Variants in ABCA13 observed in about 807,000 individuals in gnomAD.
ABCA13 encodes ATP binding cassette subfamily A member 13.
ABCA13 carries 476 observed loss-of-function variants against 478.7 expected under a neutral mutation model. The ratio of observed to expected loss-of-function variants is 0.99; its 90% CI spans 0.92 to 1.07. ABCA13 has a LOEUF of 1.07. ABCA13 is among the 50% of genes least tolerant of loss of function. ABCA13 has a pLI of 0.00. For missense variants in ABCA13, 6,060 were observed against 5,910.6 expected (o/e 1.03, Z -0.83); for synonymous variants, 2,252 against 2,158.9 (o/e 1.04, Z -1.20).
chr7:48,630,666 A>T (rs1044003767), intron 59 of ABCA13, among the ~76,000 whole-genome samples: 2 of 152,216 alleles, frequency 1.3e-5, no homozygotes, highest in South Asian at 2.1e-4. Context: ...CTTTGGGTAT[A>T]TACCCAATAA....
chr7:48,326,349 T>C (rs1348454694), intron 27 of ABCA13, among the ~76,000 whole-genome samples: 1 of 152,232 alleles, frequency 6.6e-6, no homozygotes, highest in Non-Finnish European at 1.5e-5. Context: ...AATTTCAAGT[T>C]GTGAGAAGGT....
chr7:48,642,881 C>A (rs187076409), intron 59 of ABCA13, among the ~76,000 whole-genome samples: 1 of 152,150 alleles, frequency 6.6e-6, no homozygotes, highest in African/African-American at 2.4e-5. Context: ...CAATCCCTTT[C>A]ATCTTTTCCC....
intron 59 of ABCA13, among the ~76,000 whole-genome samples, chr7:48,622,794 A>G (rs914919076): frequency 3.9e-5 from 6 of 152,218 alleles, no homozygotes; most frequent in Non-Finnish European, 5.9e-5. Flanking sequence ...TTTATTCCTC[A>G]TGACAATCCT....
At chr7:48,414,416 G>A (rs1819680842) in intron 41 of ABCA13, among the ~76,000 whole-genome samples, 1 of 152,038 alleles carries the variant, frequency 6.6e-6, no homozygotes, top group Non-Finnish European at 1.5e-5. Context: ...GCCCAGGACA[G>A]TTACTGGCAC....
intron 45 of ABCA13, among the ~76,000 whole-genome samples, chr7:48,479,821 T>C (rs1257378548): frequency 6.6e-6 from 1 of 152,254 alleles, no homozygotes; most frequent in Non-Finnish European, 1.5e-5. Context: ...GTATCTTAAA[T>C]GCATATCGCC....
intron 3 of ABCA13, among the ~76,000 whole-genome samples, chr7:48,210,831 G>A (rs1281386166): frequency 2.6e-5 from 4 of 152,088 alleles, no homozygotes; most frequent in Admixed American, 6.5e-5. Flanking sequence ...TGGATGGAAT[G>A]TTCTGTAAAT....
rs570261304 is a variant in ABCA13, at chr7:48,274,053, T to C, written c.4387T>C (p.Leu1463=). 8.1e-6 allele frequency: 13 copies of C among 1,606,040 alleles called. No individual in the cohort carries two copies. Among genetic ancestry groups the C allele is most frequent in the African/African-American group, 2.7e-5 (2 of 74,694 alleles). Residue 1463 remains leucine, a synonymous_variant, in exon 17 of 62, where the codon TTG becomes CTG. Transcript: ENST00000435803. ...GSHINCVNIY[L]KDVTDFLNIV... is the part of the protein sequence containing the mutation. Reference sequence around the variant, plus strand: ...ACATATAAATTGTGTCAATATTTACTTGAAAGATGTAACTGACTTTCTAAA... The same window carrying C: ...ACATATAAATTGTGTCAATATTTACCTGAAAGATGTAACTGACTTTCTAAA...
In ABCA13 at chr7:48,423,744, C is replaced by T. The variant is rs748731196; in HGVS notation, c.12460-4022C>T. Among the ~76,000 whole-genome samples the T allele has an allele frequency of 5.9e-5, 9 of 152,264 alleles. No individual in the cohort carries two copies. In the South Asian group the frequency reaches 1.0e-3, roughly 18 times the overall value. ...TTGCTTTTAAAGCATATTTTTGTTA[C>T]ATTTTAAATTACTTTCATGCTAGTT... On this transcript the variant is annotated intron_variant, in intron 41 of 61. Coordinates refer to ENST00000435803, the MANE Select transcript of ABCA13 (RefSeq NM_152701.5).
At chr7:48,489,547 A>C (rs1321115680) in intron 48 of ABCA13, among the ~76,000 whole-genome samples, 1 of 152,138 alleles carries the variant, frequency 6.6e-6, no homozygotes, top group Non-Finnish European at 1.5e-5. Flanking sequence ...TATTTTCTTG[A>C]ACCTGTAACC....
intron 28 of ABCA13, among the ~76,000 whole-genome samples, chr7:48,336,894 A>G (rs1806349530): frequency 6.6e-6 from 1 of 152,236 alleles, no homozygotes; most frequent in Admixed American, 6.5e-5. Context: ...TCTCTGCTGC[A>G]ACTATATATA....
Position 48,276,637 on chromosome 7 carries a change from T to C in ABCA13, c.6899+72T>C, listed in dbSNP as rs971450440. Reference sequence around the variant, plus strand: ...TCAAACTACTTTATTTTCTGGAGTATAGACATGTCAAAAACAGTATTTGTA... The same window carrying C: ...TCAAACTACTTTATTTTCTGGAGTACAGACATGTCAAAAACAGTATTTGTA... On this transcript the variant is annotated intron_variant, in intron 17 of 61. Transcript: ENST00000435803. 5 of 1,264,460 alleles carry C rather than the reference T, an allele frequency of 4.0e-6. No individual in the cohort carries two copies. In the Admixed American group the frequency reaches 7.9e-5, roughly 20 times the overall value. 78.3% of individuals were successfully genotyped at this position (1,264,460 alleles called of 1,614,324 possible).
At chr7:48,414,147 C>T (rs573277922) in intron 41 of ABCA13, among the ~76,000 whole-genome samples, 113 of 152,298 alleles carry the variant, frequency 7.4e-4, no homozygotes, top group Middle Eastern at 3.4e-3. Context: ...CCAAAGGATG[C>T]GGTCACTACA....
chr7:48,392,377 T>G (rs1338189496), intron 38 of ABCA13, among the ~76,000 whole-genome samples: 1 of 152,226 alleles, frequency 6.6e-6, no homozygotes, highest in Non-Finnish European at 1.5e-5. Context: ...GTGGAAGAGA[T>G]GAGCACATGT....
chr7:48,267,488 T>C (rs935373710), intron 15 of ABCA13, among the ~76,000 whole-genome samples: 1 of 152,136 alleles, frequency 6.6e-6, no homozygotes, highest in African/African-American at 2.4e-5. Context: ...TTTTCCATCC[T>C]TTTACTTGTA....
At chr7:48,252,602 G>T (rs572690440) in intron 15 of ABCA13, among the ~76,000 whole-genome samples, 1 of 152,110 alleles carries the variant, frequency 6.6e-6, no homozygotes, top group Admixed American at 6.6e-5. Flanking sequence ...AAAAATATAC[G>T]ATTATAATCT....
chr7:48,390,643 T>G (rs748313214), intron 37 of ABCA13, among the ~76,000 whole-genome samples: 1 of 152,210 alleles, frequency 6.6e-6, no homozygotes, highest in African/African-American at 2.4e-5. Flanking sequence ...TGACCACTGA[T>G]CTGCTCTTTG....
chr7:48,567,519 A>G (rs1787199341), intron 55 of ABCA13, among the ~76,000 whole-genome samples: 1 of 152,016 alleles, frequency 6.6e-6, no homozygotes, highest in Non-Finnish European at 1.5e-5. Context: ...CTTATATAAA[A>G]CCTTTTTTAG....
At chr7:48,338,489 T>G (rs1806624725) in intron 29 of ABCA13, 34 bp downstream of exon 29, 1 of 1,529,780 alleles carries the variant, frequency 6.5e-7, no homozygotes, top group Non-Finnish European at 8.8e-7. Context: ...AGTGTTCTTC[T>G]GCCCATATGG....
In ABCA13 at chr7:48,552,756, A is replaced by G. The variant is rs116566899; in HGVS notation, c.14354+24411A>G. Among the ~76,000 whole-genome samples the G allele has an allele frequency of 6.2e-3, 946 of 151,778 alleles. 15 individuals carry two copies. Among genetic ancestry groups the G allele is most frequent in the African/African-American group, 0.022 (901 of 41,498 alleles). On this transcript the variant is annotated intron_variant, in intron 55 of 61. Transcript: ENST00000435803. The stretch of plus-strand genomic sequence containing the variant: ...ACATGAGATACTTTGATATAGGCGT[A>G]CAGTGCATAATAATCACATCATGAC...
Sources: gnomAD v4.1 joint callset for allele counts (sites outside exome capture counted in the v4.1 genomes callset) on GRCh38, gnomAD v4.1.1 for gene constraint, MANE v1.5 for transcripts, NCBI Gene and HGNC (gene_info 2026-07-23, HGNC 2026-07-21) for gene names.